EPG5: variants seen among roughly 807,000 people sequenced by gnomAD.
EPG5 encodes ectopic P granules protein 5 homolog.
In EPG5, 159 loss-of-function variants were observed where a neutral mutation model predicts 302.7. That is an observed-to-expected ratio of 0.53 (90% CI 0.46 to 0.60). The LOEUF (loss-of-function observed/expected upper bound fraction) is 0.60. Among genes scored for constraint, EPG5 ranks in the 20% least tolerant of loss-of-function variants. EPG5 has a pLI of 0.00. For synonymous variants in EPG5, 1,158 were observed against 1,136.8 expected (o/e 1.02, Z -0.37); for missense variants, 2,896 against 3,092.4 (o/e 0.94, Z 1.51).
At chr18:45,812,871 T>G in the EPG5 span, among the ~76,000 whole-genome samples, 1 of 152,212 alleles carries the variant, frequency 6.6e-6, no homozygotes, top group Non-Finnish European at 1.5e-5. Context: ...AAGGACTTCA[T>G]GTCTAAAACA....
At chr18:45,811,788 T>C in the EPG5 span, among the ~76,000 whole-genome samples, 1 of 152,206 alleles carries the variant, frequency 6.6e-6, no homozygotes, top group Non-Finnish European at 1.5e-5. Context: ...GAGCTATTTA[T>C]GACAAACCCA....
At chr18:45,933,577 C>G (rs1392551200) in intron 11 of EPG5, among the ~76,000 whole-genome samples, 2 of 151,742 alleles carry the variant, frequency 1.3e-5, no homozygotes, top group African/African-American at 4.8e-5. Context: ...ACTCAGGAGG[C>G]TGAGCTAGGA....
intron 13 of EPG5, among the ~76,000 whole-genome samples, chr18:45,927,785 T>A (rs1322737654): frequency 6.6e-6 from 1 of 151,986 alleles, no homozygotes; most frequent in Non-Finnish European, 1.5e-5. Flanking sequence ...ATGTCTGAAA[T>A]AGGCAAAAAT....
intron 28 of EPG5, 63 bp from the exon 29 acceptor site, chr18:45,887,970 CT>C: frequency 8.2e-7 from 1 of 1,220,676 alleles, no homozygotes; most frequent in Non-Finnish European, 1.1e-6. Flanking sequence ...ACAAGGCCTT[CT>C]TTGATACCCT....
Position 45,915,634 on chromosome 18 carries a change from A to T in EPG5, c.3583-13T>A, listed in dbSNP as rs572532803. The T allele has an allele frequency of 1.3e-6, 2 of 1,599,590 alleles. No individual in the cohort carries two copies. Among genetic ancestry groups the T allele is most frequent in the African/African-American group, 2.7e-5 (2 of 74,724 alleles). On this transcript the variant is annotated splice_polypyrimidine_tract_variant and intron_variant, in intron 19 of 43. Transcript: ENST00000282041. ...AACCCAAGGCATTCTACACCGGGAG[A>T]TGTGGAGCAGAGAGAGGAGGTTTTA... is the stretch of plus-strand genomic sequence containing the variant.
chr18:45,935,303 G>A (rs2050495145), intron 10 of EPG5, among the ~76,000 whole-genome samples: 2 of 152,188 alleles, frequency 1.3e-5, no homozygotes, highest in African/African-American at 2.4e-5. Flanking sequence ...AACACTTTAG[G>A]AGGCCGAGGC....
chr18:45,967,021 G>T (rs1023062068), intron 1 of EPG5, among the ~76,000 whole-genome samples, 156 bp downstream of exon 1: 15 of 152,102 alleles, frequency 9.9e-5, no homozygotes, highest in Non-Finnish European at 1.6e-4. Context: ...GAGAAGGGCC[G>T]GTGTCAACGG....
chr18:45,882,915 G>A (rs1276091866), intron 30 of EPG5, among the ~76,000 whole-genome samples: 1 of 151,070 alleles, frequency 6.6e-6, no homozygotes, highest in Admixed American at 6.6e-5. Context: ...GCTGAGACAG[G>A]AGAATAGCTT....
intron 14 of EPG5, among the ~76,000 whole-genome samples, chr18:45,925,514 A>C (rs2050248082): frequency 6.6e-6 from 1 of 152,328 alleles, no homozygotes; most frequent in South Asian, 2.1e-4. Context: ...CATGGGAATA[A>C]GGAAAAAGGG....
At chr18:45,921,284 G>A (rs933413085) in intron 16 of EPG5, among the ~76,000 whole-genome samples, 7 of 152,216 alleles carry the variant, frequency 4.6e-5, no homozygotes, top group African/African-American at 1.7e-4. Flanking sequence ...TGTGGAACAA[G>A]ATGTTGAAAT....
At chr18:45,963,818 A>G (rs2051196533) in intron 1 of EPG5, among the ~76,000 whole-genome samples, 1 of 152,176 alleles carries the variant, frequency 6.6e-6, no homozygotes, top group Non-Finnish European at 1.5e-5. Context: ...TTTGAAAAAT[A>G]TATATCCAGC....
chr18:45,956,661 C>G (rs1354088255), intron 1 of EPG5, among the ~76,000 whole-genome samples: 1 of 151,894 alleles, frequency 6.6e-6, no homozygotes, highest in African/African-American at 2.4e-5. Flanking sequence ...AGCCAAACTC[C>G]TGACCTCGTG....
At chr18:45,858,141 T>A in intron 41 of EPG5, 73 bp from the exon 42 acceptor site, 1 of 1,129,820 alleles carries the variant, frequency 8.9e-7, no homozygotes, top group East Asian at 2.5e-5. Flanking sequence ...CAAGTCCACA[T>A]CAGAGTTTGA....
rs891541627 is a variant in EPG5 at position 45,850,175 on chromosome 18, T to A, written c.*2292A>T. On this transcript the variant is annotated 3_prime_UTR_variant, in exon 44 of 44. Coordinates refer to ENST00000282041, the MANE Select transcript of EPG5 (RefSeq NM_020964.3). The stretch of plus-strand genomic sequence containing the variant: ...TGGTGAAGTCTGGAGCCTGCAGCCG[T>A]TCGCCCTCCACGCTGCTCAGTCCAC... The A allele has an allele frequency of 3.3e-5, 5 of 152,342 alleles. No individual in the cohort carries two copies. Among genetic ancestry groups the A allele is most frequent in the African/African-American group, 1.2e-4 (5 of 41,450 alleles). The allele number at this position is 152,342 out of a possible 1,614,324, so 9.4% of individuals were successfully genotyped here.
At chr18:45,853,916 T>G (rs749556728) in intron 43 of EPG5, among the ~76,000 whole-genome samples, 53 of 152,326 alleles carry the variant, frequency 3.5e-4, no homozygotes, top group African/African-American at 1.2e-3. Context: ...ACAGTTTGCC[T>G]AACGATAATC....
At chr18:45,846,943 C>A (rs1236153101), downstream of EPG5, among the ~76,000 whole-genome samples, 1 of 152,142 alleles carries the variant, frequency 6.6e-6, no homozygotes, top group East Asian at 1.9e-4. Context: ...CACAAAGATG[C>A]CCACTGGTCT....
At chr18:45,888,170 A>AT (rs1192666578) in intron 28 of EPG5, among the ~76,000 whole-genome samples, 1 of 151,158 alleles carries the variant, frequency 6.6e-6, no homozygotes, top group African/African-American at 2.4e-5. Context: ...CAATGGTGTG[A>AT]TCTCGGCTCA....
At chr18:45,835,373 T>C in the EPG5 span, among the ~76,000 whole-genome samples, 2 of 152,172 alleles carry the variant, frequency 1.3e-5, no homozygotes, top group African/African-American at 4.8e-5. Context: ...GGTTCATGCA[T>C]ATGGACTGCA....
chr18:45,842,311 C>A, the EPG5 span: 7 of 1,006,666 alleles, frequency 7.0e-6, no homozygotes. Flanking sequence ...GGTGGCTCCT[C>A]CCCTGCTCAA....
Sources: allele counts gnomAD v4.1 joint callset (sites outside exome capture counted in the v4.1 genomes callset), GRCh38; gene constraint gnomAD v4.1.1; transcripts MANE v1.5; gene names NCBI Gene and HGNC (gene_info 2026-07-23, HGNC 2026-07-21).